The following ARHGEF1 variants were observed in gnomAD, a reference collection of about 807,000 sequenced individuals.
ARHGEF1 encodes Rho guanine nucleotide exchange factor 1.
In ARHGEF1, 40 loss-of-function variants were observed where a neutral mutation model predicts 119.7. That is an observed-to-expected ratio of 0.33 (90% CI 0.26 to 0.44). The LOEUF (loss-of-function observed/expected upper bound fraction) is 0.44, where lower values mean the gene tolerates loss of function less well. Among genes scored for constraint, ARHGEF1 ranks in the 20% least tolerant of loss-of-function variants. The pLI, the probability that ARHGEF1 is intolerant of heterozygous loss-of-function variation, is 1.00. For missense variants in ARHGEF1, 976 were observed against 1,268.3 expected, an observed-to-expected ratio of 0.77 and a Z score of 3.50; for synonymous variants, 494 against 521.0, an observed-to-expected ratio of 0.95 and a Z score of 0.71.
chr19:41,929,863 G>C (rs2074894649), exon 3 of ARHGEF1: 1 of 152,238 alleles, frequency 6.6e-6, no homozygotes. Context: ...GAGGTGCTGA[G>C]AGGCTAGAAG....
upstream of ARHGEF1, among the ~76,000 whole-genome samples, chr19:41,918,996 C>T (rs1555852186): frequency 6.6e-6 from 1 of 150,912 alleles, no homozygotes; most frequent in South Asian, 2.1e-4. Flanking sequence ...CGCATATACA[C>T]CACACACATC....
At chr19:41,929,044 G>GACACAC in intron 2 of ARHGEF1, 2 of 379,212 alleles carry the variant, frequency 5.3e-6, no homozygotes, top group Middle Eastern at 3.7e-4. Context: ...GACAGACACA[G>GACACAC]ACACACACAC....
At chr19:41,922,340 C>G (rs549998645), upstream of ARHGEF1, among the ~76,000 whole-genome samples, 3 of 152,188 alleles carry the variant, frequency 2.0e-5, no homozygotes, top group South Asian at 6.2e-4. Context: ...AGCAGGAGAT[C>G]AAGGGACAGA....
rs782576993 is a variant in ARHGEF1 at position 41,892,514 on chromosome 19, C to T, written c.368-89C>T. 95 of 1,575,130 alleles carry T rather than the reference C, an allele frequency of 6.0e-5. No individual in the cohort carries two copies. The highest frequency in any genetic ancestry group is 1.7e-4 in the Middle Eastern group (1 of 5,918). On this transcript the variant is annotated intron_variant, in intron 6 of 28. Coordinates refer to ENST00000354532, the MANE Select transcript of ARHGEF1 (RefSeq NM_004706.4). The surrounding 1 kb of genome is among the most constrained non-coding windows in gnomAD (Gnocchi z 6.3). Reference sequence around the variant, plus strand: ...TTCCTTCTTGGCAGCGGCCTCAGGACGTGTGGCTGTTGGAGTCCAAGGGTG... The same window carrying T: ...TTCCTTCTTGGCAGCGGCCTCAGGATGTGTGGCTGTTGGAGTCCAAGGGTG...
rs2074335873 is a variant in ARHGEF1, at chr19:41,888,950, C to T, written c.225+85C>T. 3.6e-6 allele frequency: 4 copies of T among 1,106,750 alleles called. No homozygotes were observed. The highest frequency in any genetic ancestry group is 2.6e-5 in the East Asian group (1 of 38,646). 68.6% of individuals were successfully genotyped at this position (1,106,750 alleles called of 1,614,324 possible). ...GCGAATTAAACCAGCGAGCTAGTGC[C>T]TGGAGGGTCTGGAAAAGCAGATCTA... On this transcript the variant is annotated intron_variant, in intron 4 of 28. Transcript: ENST00000354532. This position sits in a 1 kb window ranked among gnomAD's most constrained non-coding sequence, Gnocchi z 5.1.
At chr19:41,912,370 G>T (rs2074757798), downstream of ARHGEF1, among the ~76,000 whole-genome samples, 1 of 152,182 alleles carries the variant, frequency 6.6e-6, no homozygotes, top group African/African-American at 2.4e-5. Context: ...CAGCTTCACC[G>T]TCCACCAACC....
rs781953234 is a variant in ARHGEF1, at chr19:41,902,382, TC to T, written c.1497+29del. 1.1e-5 allele frequency: 18 copies of T among 1,613,530 alleles called. No individual in the cohort carries two copies. The Admixed American group carries it at 1.2e-4, about 10-fold the overall frequency. ...GTGAGATGCCCAGCCCTCCCGCTCC[TC>T]CCAGCTAGACACATGGAATTCAGGC... is the stretch of plus-strand genomic sequence containing the variant. On this transcript the variant is annotated intron_variant, in intron 16 of 28. Coordinates refer to ENST00000354532, the MANE Select transcript of ARHGEF1 (RefSeq NM_004706.4). The surrounding 1 kb of genome is among the most constrained non-coding windows in gnomAD (Gnocchi z 6.5).
intron 13 of ARHGEF1, chr19:41,897,677 A>G (rs1280742443): frequency 3.4e-6 from 1 of 297,036 alleles, no homozygotes. Flanking sequence ...CTTCTGTTGC[A>G]TGTTTGATCC....
rs932621610 is a variant in ARHGEF1, at chr19:41,917,647, C to T, written c.1866-5445C>T. Among the ~76,000 whole-genome samples, 12 of 142,814 alleles carry T rather than the reference C, an allele frequency of 8.4e-5. No homozygotes were observed. The South Asian group carries it at 1.7e-3, about 20-fold the overall frequency. 93.7% of individuals were successfully genotyped at this position (142,814 alleles called of 152,430 possible). On this transcript the variant is annotated intron_variant, in intron 18 of 20. Coordinates refer to the ARHGEF1 transcript ENST00000599589. The surrounding 1 kb of genome is among the most constrained non-coding windows in gnomAD (Gnocchi z 4.8). ...TGCACACACCATGCCCCAAAGCACA[C>T]GCACGCACGCACACACACACCCTGA...
Position 41,905,417 on chromosome 19 carries a change from CTG to C in ARHGEF1, c.2336+159_2336+160del, listed in dbSNP as rs782432608. On this transcript the variant is annotated intron_variant, in intron 24 of 28. Coordinates refer to ENST00000354532, the MANE Select transcript of ARHGEF1 (RefSeq NM_004706.4). The surrounding 1 kb of genome is among the most constrained non-coding windows in gnomAD (Gnocchi z 6.4). ...TGTGTGTCTGTACGCAAGTATGTGA[CTG>C]TGCGTGCATATATAGTGTGTGTATG... 99 of 680,318 alleles carry C rather than the reference CTG, an allele frequency of 1.5e-4. No individual in the cohort carries two copies. Among genetic ancestry groups the C allele is most frequent in the Admixed American group, 6.3e-4 (22 of 34,774 alleles). 42.1% of individuals were successfully genotyped at this position (680,318 alleles called of 1,614,324 possible). A position where few individuals can be genotyped will look rare whatever the true frequency, so the allele number is the denominator to read the frequency against.
At chr19:41,913,141 T>TC (rs1555851405) in intron 18 of ARHGEF1, among the ~76,000 whole-genome samples, 1 of 145,840 alleles carries the variant, frequency 6.9e-6, no homozygotes, top group Non-Finnish European at 1.5e-5. Flanking sequence ...GTTCCTTCCC[T>TC]CCCAGCCTCT....
At chr19:41,915,942 C>A (rs2074798542) in intron 18 of ARHGEF1, among the ~76,000 whole-genome samples, 1 of 152,130 alleles carries the variant, frequency 6.6e-6, no homozygotes. Flanking sequence ...ACCCCCCTCC[C>A]CCCCGCCGGC....
chr19:41,895,182 T>A (rs1375351019), intron 11 of ARHGEF1, among the ~76,000 whole-genome samples, 167 bp from the exon 12 acceptor site: 1 of 145,380 alleles, frequency 6.9e-6, no homozygotes, highest in African/African-American at 2.6e-5. Flanking sequence ...GGGCCTGGAC[T>A]CCTGTGTCTG....
At position 41,916,099 on chromosome 19, in the gene ARHGEF1, C is replaced by G. The variant is rs1265777996; in HGVS notation, c.1866-6993C>G. On this transcript the variant is annotated intron_variant, in intron 18 of 20. Transcript: ENST00000599589. The surrounding 1 kb of genome is among the most constrained non-coding windows in gnomAD (Gnocchi z 5.4). ...ATGTGAGCGAAGCGGTGTGCAGAGGCGCTGGGCAGGCGAGGGCCCTCCTCC... is the reference window on the plus strand; with the variant it reads ...ATGTGAGCGAAGCGGTGTGCAGAGGGGCTGGGCAGGCGAGGGCCCTCCTCC... Among the ~76,000 whole-genome samples the G allele has an allele frequency of 6.6e-6, 1 of 151,984 alleles. No individual in the cohort carries two copies. Among genetic ancestry groups the G allele is most frequent in the Non-Finnish European group, 1.5e-5 (1 of 67,984 alleles).
chr19:41,900,077 T>TGA (rs1168600188), intron 14 of ARHGEF1, among the ~76,000 whole-genome samples: 1 of 152,112 alleles, frequency 6.6e-6, no homozygotes, highest in African/African-American at 2.4e-5. Flanking sequence ...CTCATGCCTG[T>TGA]GATCCCAGCA....
intron 18 of ARHGEF1, among the ~76,000 whole-genome samples, chr19:41,912,556 C>T (rs1450277779): frequency 1.3e-5 from 2 of 152,338 alleles, no homozygotes; most frequent in Admixed American, 6.5e-5. Flanking sequence ...CAGGCTGAGA[C>T]GTGCGTGGCA....
chr19:41,907,673 A>C (rs1555850706), downstream of ARHGEF1: 2 of 408,688 alleles, frequency 4.9e-6, no homozygotes, highest in African/African-American at 4.2e-5. Flanking sequence ...CCCACCCCCG[A>C]TCCCCCATGC....
At position 41,888,696 on chromosome 19, in the gene ARHGEF1, A is replaced by G. The variant is rs2123375319; in HGVS notation, c.112-56A>G. 2 of 1,524,816 alleles carry G rather than the reference A, an allele frequency of 1.3e-6. No individual in the cohort carries two copies. The highest frequency in any genetic ancestry group is 1.7e-4 in the Middle Eastern group (1 of 5,850). 94.5% of individuals were successfully genotyped at this position (1,524,816 alleles called of 1,614,324 possible). On this transcript the variant is annotated intron_variant, in intron 3 of 28. Transcript: ENST00000354532. This position sits in a 1 kb window ranked among gnomAD's most constrained non-coding sequence, Gnocchi z 5.1. Reference sequence around the variant, plus strand: ...TGAAGTGCCAGGAATGGGTAGGGTCAACCCTAAGGCCCCTCCTCTTCTCCC... The same window carrying G: ...TGAAGTGCCAGGAATGGGTAGGGTCGACCCTAAGGCCCCTCCTCTTCTCCC...
At chr19:41,921,287 G>A (rs2074840883), upstream of ARHGEF1, among the ~76,000 whole-genome samples, 1 of 152,148 alleles carries the variant, frequency 6.6e-6, no homozygotes, top group Admixed American at 6.5e-5. The surrounding 1 kb of genome is among the most constrained non-coding windows in gnomAD (Gnocchi z 4.4). Flanking sequence ...ATGCAGGGAG[G>A]AAGAGAGACC....
Sources: gnomAD v4.1 joint callset for allele counts (sites outside exome capture counted in the v4.1 genomes callset) on GRCh38, gnomAD v4.1.1 for gene constraint, Gnocchi (gnomAD v3.1) non-coding constraint, MANE v1.5 for transcripts, NCBI Gene and HGNC (gene_info 2026-07-23, HGNC 2026-07-21) for gene names.